Variants in POU6F2 observed in about 807,000 individuals in gnomAD.
The protein encoded by POU6F2 is POU class 6 homeobox 2, also known as POU domain, class 6, transcription factor 2.
In POU6F2, 31 loss-of-function variants were observed where a neutral mutation model predicts 71.3. The ratio of observed to expected loss-of-function variants is 0.43; its 90% confidence interval spans 0.33 to 0.59. The LOEUF is 0.59. Ranked by LOEUF, POU6F2 falls within the 20% of genes least tolerant of loss-of-function variation. The pLI, the probability that POU6F2 is intolerant of heterozygous loss-of-function variation, is 0.04. For missense variants in POU6F2, 783 were observed against 856.8 expected (o/e 0.91, Z 1.07); for synonymous variants, 347 against 355.7 (o/e 0.98, Z 0.27).
At chr7:39,159,478 G>A (rs1792944176) in intron 2 of POU6F2, among the ~76,000 whole-genome samples, 1 of 152,186 alleles carries the variant, frequency 6.6e-6, no homozygotes, top group African/African-American at 2.4e-5. Context: ...CACTTTTATA[G>A]CTTTGACTAC....
At chr7:39,211,802 C>T (rs1263596279) in intron 4 of POU6F2, among the ~76,000 whole-genome samples, 3 of 152,142 alleles carry the variant, frequency 2.0e-5, no homozygotes, top group Non-Finnish European at 4.4e-5. Context: ...GGCATCTAAT[C>T]CCCACACCCA....
intron 2 of POU6F2, among the ~76,000 whole-genome samples, chr7:39,172,625 C>CT (rs58470541): frequency 0.13 from 17,668 of 138,536 alleles, 1,113 homozygotes; most frequent in Middle Eastern, 0.15. Flanking sequence ...GGTCCCCCTC[C>CT]TTTTTTTTTT....
At chr7:39,455,872 C>A (rs151223154) in intron 8 of POU6F2, among the ~76,000 whole-genome samples, 14 of 152,266 alleles carry the variant, frequency 9.2e-5, no homozygotes, top group African/African-American at 3.4e-4. Context: ...CCATAAAAAT[C>A]TTTTTTACTT....
At chr7:39,198,609 G>C (rs780826844) in intron 2 of POU6F2, among the ~76,000 whole-genome samples, 4 of 152,142 alleles carry the variant, frequency 2.6e-5, no homozygotes, top group Admixed American at 1.3e-4. Context: ...TTGCAAAAAC[G>C]TACAAACCAT....
At chr7:38,991,838 TTC>T (rs111327791) in intron 1 of POU6F2, among the ~76,000 whole-genome samples, 43,644 of 149,688 alleles carry the variant, frequency 0.29, 6,590 homozygotes, top group Non-Finnish European at 0.35. Context: ...TTCCTTTCAC[TTC>T]TCTCTCTCTC....
chr7:38,981,445 AG>A (rs1788313501), intron 1 of POU6F2, among the ~76,000 whole-genome samples: 1 of 152,160 alleles, frequency 6.6e-6, no homozygotes, highest in Non-Finnish European at 1.5e-5. Context: ...CACAGGCCTG[AG>A]GGTCCCTGTT....
At chr7:39,008,998 C>T (rs1477194083) in intron 1 of POU6F2, among the ~76,000 whole-genome samples, 10 of 152,156 alleles carry the variant, frequency 6.6e-5, no homozygotes, top group South Asian at 2.1e-4. Context: ...ATTGACTTGG[C>T]GATGCAGGCT....
chr7:39,282,957 C>T (rs1784585676), intron 4 of POU6F2, among the ~76,000 whole-genome samples: 1 of 152,038 alleles, frequency 6.6e-6, no homozygotes, highest in Admixed American at 6.6e-5. Context: ...CAATTTTTTT[C>T]ATCAGTGCTT....
At chr7:39,297,781 A>G (rs895207102) in intron 4 of POU6F2, among the ~76,000 whole-genome samples, 3 of 149,172 alleles carry the variant, frequency 2.0e-5, no homozygotes, top group African/African-American at 7.8e-5. Flanking sequence ...TAACCAAAAC[A>G]GCATGGTACT....
At chr7:39,086,154 C>T (rs1791241392) in intron 2 of POU6F2, 123 bp downstream of exon 2, 3 of 1,028,250 alleles carry the variant, frequency 2.9e-6, no homozygotes, top group African/African-American at 3.8e-5. Flanking sequence ...TAAAAAGGAG[C>T]ATCTTGGAGG....
intron 1 of POU6F2, among the ~76,000 whole-genome samples, chr7:38,979,652 T>G (rs1488682902): frequency 6.6e-6 from 1 of 152,140 alleles, no homozygotes; most frequent in Non-Finnish European, 1.5e-5. Flanking sequence ...ATAATTGTGG[T>G]GTAGGGAATG....
intron 1 of POU6F2, among the ~76,000 whole-genome samples, chr7:39,069,707 TAGAAA>T (rs1034285316): frequency 1.1e-4 from 16 of 152,246 alleles, no homozygotes; most frequent in South Asian, 2.1e-4. Flanking sequence ...TAAAGTAAGC[TAGAAA>T]AGAAAAGGTT....
intron 2 of POU6F2, among the ~76,000 whole-genome samples, chr7:39,199,506 T>C (rs1164873233): frequency 6.6e-6 from 1 of 151,046 alleles, no homozygotes; most frequent in African/African-American, 2.4e-5. Flanking sequence ...TTTAAAAGAA[T>C]TGGAAAACAA....
chr7:39,242,058 G>A (rs1440318234), intron 4 of POU6F2, among the ~76,000 whole-genome samples: 2 of 152,096 alleles, frequency 1.3e-5, no homozygotes, highest in Non-Finnish European at 2.9e-5. Context: ...TCCTTTTTCT[G>A]TGAGTAAGGT....
chr7:39,381,239 TTC>T (rs1786821660), intron 5 of POU6F2, among the ~76,000 whole-genome samples: 1 of 151,896 alleles, frequency 6.6e-6, no homozygotes, highest in Non-Finnish European at 1.5e-5. Flanking sequence ...TAATTTTTGT[TTC>T]TGTTTTTGTT....
rs184876644 is a variant in POU6F2, at chr7:39,255,269, C to T, written c.598+47649C>T. Among the ~76,000 whole-genome samples, 243 of 152,102 alleles carry T rather than the reference C, an allele frequency of 1.6e-3. 1 individual carries two copies. Among genetic ancestry groups the T allele is most frequent in the African/African-American group, 5.4e-3 (226 of 41,486 alleles). On this transcript the variant is annotated intron_variant, in intron 4 of 9. Transcript: ENST00000518318. ...AAAATTATTTTAATTGGAAATAATA[C>T]GTGGTGAATGAGAAGGTCACAGCTA...
At chr7:39,057,709 G>A (rs1219023714) in intron 1 of POU6F2, among the ~76,000 whole-genome samples, 2 of 151,340 alleles carry the variant, frequency 1.3e-5, no homozygotes, top group Non-Finnish European at 2.9e-5. Context: ...TACTTTTTTT[G>A]TTTACCTCTT....
At chr7:39,244,811 G>C (rs191856347) in intron 4 of POU6F2, among the ~76,000 whole-genome samples, 7 of 152,256 alleles carry the variant, frequency 4.6e-5, no homozygotes, top group African/African-American at 1.2e-4. Context: ...CTTACCATCA[G>C]TTCTTCCTTG....
chr7:39,018,765 T>C (rs1789616051), intron 1 of POU6F2, among the ~76,000 whole-genome samples: 1 of 152,108 alleles, frequency 6.6e-6, no homozygotes, highest in Non-Finnish European at 1.5e-5. Flanking sequence ...ATGAAAACAG[T>C]GCCACTAAAA....
Sources: gnomAD v4.1 joint callset for allele counts (sites outside exome capture counted in the v4.1 genomes callset) on GRCh38, gnomAD v4.1.1 for gene constraint, MANE v1.5 for transcripts, NCBI Gene and HGNC (gene_info 2026-07-23, HGNC 2026-07-21) for gene names.